The following GRIA1 variants were observed in gnomAD, a reference collection of about 807,000 sequenced individuals.
GRIA1 encodes the protein glutamate ionotropic receptor AMPA type subunit 1, also known as glutamate receptor 1.
Under a neutral mutation model 99.2 loss-of-function variants are expected in GRIA1, and 31 were observed. The ratio of observed to expected loss-of-function variants is 0.31; its 90% CI spans 0.23 to 0.42. The LOEUF is 0.42. GRIA1 is among the 10% of genes least tolerant of loss of function. GRIA1 has a pLI of 1.00. For synonymous variants in GRIA1, 438 were observed against 432.4 expected, an observed-to-expected ratio of 1.01 and a Z score of -0.16; for missense variants, 782 against 1,157.5, an observed-to-expected ratio of 0.68 and a Z score of 4.71.
At chr5:153,638,549 A>G (rs1198302621) in intron 2 of GRIA1, among the ~76,000 whole-genome samples, 1 of 152,248 alleles carries the variant, frequency 6.6e-6, no homozygotes, top group East Asian at 1.9e-4. Flanking sequence ...CCCATGCCCA[A>G]GCAAGGCTAA....
intron 13 of GRIA1, among the ~76,000 whole-genome samples, chr5:153,793,977 A>G (rs557402454): frequency 6.6e-6 from 1 of 152,188 alleles, no homozygotes; most frequent in Non-Finnish European, 1.5e-5. Context: ...CTTCTGATGA[A>G]TCTGTTTTCC....
intron 2 of GRIA1, among the ~76,000 whole-genome samples, chr5:153,643,976 C>A (rs17521666): frequency 6.6e-6 from 1 of 152,038 alleles, no homozygotes. Context: ...TGTGTGAAAC[C>A]AAGTAGGTGA....
At chr5:153,778,192 A>AGAGAGTGTGT in intron 13 of GRIA1, among the ~76,000 whole-genome samples, 1 of 37,368 alleles carries the variant, frequency 2.7e-5, no homozygotes, top group South Asian at 1.7e-3. Context: ...AGAGAGAGAG[A>AGAGAGTGTGT]GTGTGTGTGT....
At chr5:153,691,591 G>C (rs1757759030) in intron 8 of GRIA1, among the ~76,000 whole-genome samples, 1 of 152,182 alleles carries the variant, frequency 6.6e-6, no homozygotes, top group African/African-American at 2.4e-5. Flanking sequence ...ATCTTCTAAA[G>C]TCCCAAAGAA....
intron 2 of GRIA1, among the ~76,000 whole-genome samples, chr5:153,523,256 G>A (rs1336461331): frequency 1.3e-5 from 2 of 152,130 alleles, no homozygotes; most frequent in African/African-American, 4.8e-5. Context: ...CTCATTCACT[G>A]TTCCCAAATT....
intron 4 of GRIA1, 82 bp downstream of exon 4, chr5:153,650,596 A>C: frequency 7.4e-7 from 1 of 1,355,672 alleles, no homozygotes; most frequent in Non-Finnish European, 1.0e-6. Context: ...TGGGTGTTAT[A>C]AAGAGGGTTA....
At chr5:153,502,372 GC>G (rs771647617) in intron 2 of GRIA1, among the ~76,000 whole-genome samples, 1 of 152,186 alleles carries the variant, frequency 6.6e-6, no homozygotes, top group African/African-American at 2.4e-5. Context: ...TTAGGGTAAT[GC>G]TTTTGATATT....
intron 6 of GRIA1, among the ~76,000 whole-genome samples, chr5:153,676,445 A>C (rs1251390658): frequency 6.6e-6 from 1 of 152,208 alleles, no homozygotes; most frequent in African/African-American, 2.4e-5. Context: ...AGTTTACAGG[A>C]TATAAACTTA....
intron 11 of GRIA1, among the ~76,000 whole-genome samples, chr5:153,729,340 T>A (rs1195470639): frequency 2.0e-5 from 3 of 151,892 alleles, no homozygotes; most frequent in African/African-American, 7.3e-5. Flanking sequence ...CATATGTAAC[T>A]AACCTGCACA....
chr5:153,569,452 C>A (rs1761923913), intron 2 of GRIA1, among the ~76,000 whole-genome samples: 2 of 152,218 alleles, frequency 1.3e-5, no homozygotes, highest in African/African-American at 4.8e-5. Flanking sequence ...CCACTGTATT[C>A]TGTGGGACCA....
intron 2 of GRIA1, among the ~76,000 whole-genome samples, chr5:153,537,163 G>C (rs957010957): frequency 1.3e-5 from 2 of 152,148 alleles, no homozygotes; most frequent in Non-Finnish European, 2.9e-5. Flanking sequence ...GCCATACAGT[G>C]TGTGCCAGTA....
chr5:153,583,982 T>G (rs1205635669), intron 2 of GRIA1, among the ~76,000 whole-genome samples: 1 of 152,182 alleles, frequency 6.6e-6, no homozygotes, highest in African/African-American at 2.4e-5. Flanking sequence ...GACCAGCATT[T>G]AAGTGAATAT....
chr5:153,804,726 TTA>T (rs1766302964), intron 15 of GRIA1, among the ~76,000 whole-genome samples: 2 of 57,154 alleles, frequency 3.5e-5, no homozygotes, highest in African/African-American at 7.9e-5. Context: ...AATTAATTAA[TTA>T]ATTAATTTAT....
In GRIA1 at chr5:153,602,863, G is replaced by A. The variant is rs78794930; in HGVS notation, c.221-44065G>A. Among the ~76,000 whole-genome samples, 1,486 of 152,190 alleles carry A rather than the reference G, an allele frequency of 9.8e-3. 22 individuals carry two copies. Among genetic ancestry groups the A allele is most frequent in the African/African-American group, 0.034 (1,405 of 41,518 alleles). ...CAGTATTGTCCTTAGCTATCTAATA[G>A]TCACAACCCTTAAGTTCTTTTCTTT... On this transcript the variant is annotated intron_variant, in intron 2 of 15. Coordinates refer to ENST00000285900, the MANE Select transcript of GRIA1 (RefSeq NM_000827.4).
intron 5 of GRIA1, among the ~76,000 whole-genome samples, chr5:153,666,750 A>C (rs540012549): frequency 1.4e-4 from 22 of 152,288 alleles, no homozygotes; most frequent in African/African-American, 5.3e-4. Flanking sequence ...TAACACAAAT[A>C]AAGTACTTAG....
rs1233560487 is a variant in GRIA1 at position 153,679,301 on chromosome 5, CAAAT to C, written c.1029+2144_1029+2147del. 1.3e-4 allele frequency among the ~76,000 whole-genome samples: 20 copies of C among 151,980 alleles called. No individual in the cohort carries two copies. The South Asian group carries it at 1.9e-3, about 14-fold the overall frequency. On this transcript the variant is annotated intron_variant, in intron 7 of 15. Coordinates refer to ENST00000285900, the MANE Select transcript of GRIA1 (RefSeq NM_000827.4). ...ATAAATAAATAAATAAACAAACAAA[CAAAT>C]AAACCAGAACATTCTGACCTTAAGA... is the stretch of plus-strand genomic sequence containing the variant.
intron 12 of GRIA1, among the ~76,000 whole-genome samples, chr5:153,768,423 G>A (rs181248419): frequency 1.3e-5 from 2 of 152,316 alleles, no homozygotes; most frequent in East Asian, 1.9e-4. Flanking sequence ...ACCCATGAGT[G>A]AGAAGTAGAA....
intron 13 of GRIA1, among the ~76,000 whole-genome samples, chr5:153,791,852 T>C (rs1765323033): frequency 6.6e-6 from 1 of 151,824 alleles, no homozygotes; most frequent in Non-Finnish European, 1.5e-5. Flanking sequence ...ACACATAGGT[T>C]ATAGATACGT....
At chr5:153,515,555 A>C (rs1317187807) in intron 2 of GRIA1, among the ~76,000 whole-genome samples, 1 of 152,168 alleles carries the variant, frequency 6.6e-6, no homozygotes, top group Non-Finnish European at 1.5e-5. Context: ...TGCACAACAA[A>C]GTGACTGTAG....
Sources: allele counts gnomAD v4.1 joint callset (sites outside exome capture counted in the v4.1 genomes callset), GRCh38; gene constraint gnomAD v4.1.1; transcripts MANE v1.5; gene names NCBI Gene and HGNC (gene_info 2026-07-23, HGNC 2026-07-21).